Variants in THSD4 observed in about 807,000 individuals in gnomAD.
The protein encoded by THSD4 is thrombospondin type 1 domain containing 4.
THSD4 carries 69 observed loss-of-function variants against 119.0 expected under a neutral mutation model. The ratio of observed to expected loss-of-function variants is 0.58; its 90% CI spans 0.48 to 0.71. The LOEUF is 0.71. Ranked by LOEUF, THSD4 falls within the 30% of genes least tolerant of loss-of-function variation. The pLI is 0.00. For missense variants in THSD4, 1,393 were observed against 1,391.1 expected, an observed-to-expected ratio of 1.00 and a Z score of -0.02; for synonymous variants, 524 against 540.4, an observed-to-expected ratio of 0.97 and a Z score of 0.42.
intron 7 of THSD4, among the ~76,000 whole-genome samples, chr15:71,508,419 A>G (rs1365114328): frequency 2.0e-5 from 3 of 152,208 alleles, no homozygotes; most frequent in Non-Finnish European, 4.4e-5. Context: ...TCAGATGGTC[A>G]TGGTTACCTT....
At chr15:71,648,305 TA>T (rs1221024151) in intron 7 of THSD4, among the ~76,000 whole-genome samples, 1 of 152,170 alleles carries the variant, frequency 6.6e-6, no homozygotes, top group African/African-American at 2.4e-5. Context: ...TCCTACTGCC[TA>T]AATCCCTACC....
intron 6 of THSD4, among the ~76,000 whole-genome samples, chr15:71,356,352 C>T (rs1004407258): frequency 2.0e-5 from 3 of 152,168 alleles, no homozygotes; most frequent in African/African-American, 7.2e-5. Context: ...CCTGTGCTCT[C>T]ACACTTATGA....
intron 7 of THSD4, among the ~76,000 whole-genome samples, chr15:71,507,067 A>T (rs1034414910): frequency 6.6e-6 from 1 of 152,128 alleles, no homozygotes; most frequent in African/African-American, 2.4e-5. Context: ...GCCTTTTTAG[A>T]TGTGTATTAG....
intron 7 of THSD4, among the ~76,000 whole-genome samples, chr15:71,657,864 A>G (rs2051222097): frequency 6.6e-6 from 1 of 152,162 alleles, no homozygotes; most frequent in African/African-American, 2.4e-5. Context: ...TTTTCATATA[A>G]TGTCTGATTC....
intron 8 of THSD4, among the ~76,000 whole-genome samples, chr15:71,706,340 A>C (rs1467095988): frequency 6.6e-6 from 1 of 152,044 alleles, no homozygotes; most frequent in Non-Finnish European, 1.5e-5. Flanking sequence ...GCCAGTGAAC[A>C]GGAGGAGGCA....
chr15:71,731,717 G>A (rs2052983852), intron 10 of THSD4: 1 of 168,094 alleles, frequency 5.9e-6, no homozygotes, highest in African/African-American at 2.4e-5. Context: ...CAAGGAGGTT[G>A]GGGCTGCAGT....
intron 7 of THSD4, among the ~76,000 whole-genome samples, chr15:71,557,068 C>T (rs993626458): frequency 6.6e-6 from 1 of 152,150 alleles, no homozygotes; most frequent in Admixed American, 6.5e-5. Context: ...CTGATTTGCT[C>T]AAGAGAACAC....
chr15:71,405,041 A>G (rs999489831), intron 6 of THSD4, among the ~76,000 whole-genome samples: 1 of 152,158 alleles, frequency 6.6e-6, no homozygotes, highest in East Asian at 1.9e-4. Flanking sequence ...GATGTGCGCA[A>G]CCATGCCTGG....
At chr15:71,342,840 G>A (rs2045601641) in intron 6 of THSD4, 1 of 152,196 alleles carries the variant, frequency 6.6e-6, no homozygotes, top group South Asian at 2.1e-4. Context: ...GGCACACCCA[G>A]ATCCTCAGAG....
intron 8 of THSD4, among the ~76,000 whole-genome samples, chr15:71,708,473 C>G (rs924104950): frequency 1.3e-5 from 2 of 152,078 alleles, no homozygotes. Flanking sequence ...ATGAGACAGT[C>G]TTGAGAAAAT....
intron 7 of THSD4, among the ~76,000 whole-genome samples, chr15:71,559,570 T>C (rs2049078606): frequency 6.6e-6 from 1 of 151,846 alleles, no homozygotes; most frequent in South Asian, 2.1e-4. Flanking sequence ...TCCTCCTTTT[T>C]TTTTTTGCAA....
chr15:71,452,356 C>A (rs566341318), intron 7 of THSD4, among the ~76,000 whole-genome samples: 1 of 152,010 alleles, frequency 6.6e-6, no homozygotes, highest in Non-Finnish European at 1.5e-5. Context: ...TCTATTCCCA[C>A]CCCCAGGTGT....
intron 3 of THSD4, among the ~76,000 whole-genome samples, chr15:71,199,864 G>GGT (rs1185713419): frequency 6.1e-5 from 9 of 146,396 alleles, no homozygotes; most frequent in African/African-American, 2.0e-4. Flanking sequence ...GCATGTGTGG[G>GGT]GTGTGTGTGT....
At chr15:71,368,873 G>A (rs1213006643) in intron 6 of THSD4, among the ~76,000 whole-genome samples, 2 of 152,154 alleles carry the variant, frequency 1.3e-5, no homozygotes, top group African/African-American at 2.4e-5. Flanking sequence ...AATTACCTTG[G>A]GCAGTATGGC....
chr15:71,158,118 A>G (rs1349821600), intron 3 of THSD4, among the ~76,000 whole-genome samples: 3 of 104,442 alleles, frequency 2.9e-5, no homozygotes, highest in African/African-American at 1.1e-4. Context: ...GTAAGTGTTC[A>G]TTTTCTTCCA....
rs748127979 is a variant in THSD4 at position 71,256,566 on chromosome 15, A to G, written c.913-47A>G. The G allele has an allele frequency of 4.6e-6, 7 of 1,522,042 alleles. No homozygotes were observed. In the Admixed American group the frequency reaches 7.0e-5, roughly 15 times the overall value. The allele number at this position is 1,522,042 out of a possible 1,614,324, so 94.3% of individuals were successfully genotyped here. ...GGGTTTGGAAATGTATCCTGGAGCT[A>G]TGAAAAGTATGGACACTAATTGCAT... On this transcript the variant is annotated intron_variant, in intron 5 of 17. Coordinates refer to ENST00000261862, the MANE Select transcript of THSD4 (RefSeq NM_024817.3).
intron 7 of THSD4, among the ~76,000 whole-genome samples, chr15:71,523,713 A>G (rs571766515): frequency 3.3e-4 from 51 of 152,334 alleles, no homozygotes; most frequent in African/African-American, 1.2e-3. Flanking sequence ...AGAGGAGGAA[A>G]TGGAAGCAGG....
chr15:71,308,001 G>T (rs1446150283), intron 6 of THSD4, among the ~76,000 whole-genome samples: 1 of 152,096 alleles, frequency 6.6e-6, no homozygotes, highest in Non-Finnish European at 1.5e-5. Context: ...CAGAGCCTTG[G>T]TGTCCAGAGT....
intron 7 of THSD4, among the ~76,000 whole-genome samples, chr15:71,563,987 C>T (rs1403825244): frequency 6.6e-6 from 1 of 152,092 alleles, no homozygotes; most frequent in Non-Finnish European, 1.5e-5. Context: ...TCAGCCAATT[C>T]CAAATTGCAC....
Sources: allele counts gnomAD v4.1 joint callset (sites outside exome capture counted in the v4.1 genomes callset), GRCh38; gene constraint gnomAD v4.1.1; transcripts MANE v1.5; gene names NCBI Gene and HGNC (gene_info 2026-07-23, HGNC 2026-07-21).